The following ADCY4 variants were observed in gnomAD, a reference collection of about 807,000 sequenced individuals.
ADCY4 encodes the protein adenylate cyclase type 4.
ADCY4 carries 111 observed loss-of-function variants against 125.5 expected under a neutral mutation model. That is an observed-to-expected ratio of 0.88 (90% CI 0.76 to 1.04). ADCY4 has a LOEUF of 1.04. ADCY4 is among the 50% of genes least tolerant of loss of function. The pLI is 0.00. For missense variants in ADCY4, 1,256 were observed against 1,382.9 expected (o/e 0.91, Z 1.46); for synonymous variants, 576 against 586.9 (o/e 0.98, Z 0.27).
intron 20 of ADCY4, among the ~76,000 whole-genome samples, chr14:24,321,143 C>T (rs867154852): frequency 4.3e-4 from 62 of 143,712 alleles, no homozygotes; most frequent in African/African-American, 1.1e-3. Flanking sequence ...AGGCCGGGTG[C>T]GGTGCGCCTG....
Position 24,331,074 on chromosome 14 carries a change from T to C in ADCY4, c.874A>G (p.Lys292Glu). 6.2e-7 allele frequency: 1 copy of C among 1,613,546 alleles called. No individual in the cohort carries two copies. The highest frequency in any genetic ancestry group is 8.5e-7 in the Non-Finnish European group (1 of 1,179,556). ...FTRLASECSPKELVLMLNELF... is the reference protein window; with the variant it reads ...FTRLASECSPEELVLMLNELF... The stretch of plus-strand genomic sequence containing the variant: ...TCATTGAGCATGAGCACCAGCTCCT[T>C]AGGGGAACACTCGCTGGCCAGCCGC... The change falls in exon 6 of 25, where the codon AAG (lysine) becomes GAG (glutamate). Residue 292 changes from lysine to glutamate, a missense_variant. Lys to Glu is a moderately conservative substitution (Grantham distance 56). Transcript: ENST00000418030.
At chr14:24,324,019 A>G (rs1451100225) in intron 16 of ADCY4, 43 bp downstream of exon 16, 1 of 1,601,942 alleles carries the variant, frequency 6.2e-7, no homozygotes, top group Non-Finnish European at 8.5e-7. Flanking sequence ...TGGCAGGTCC[A>G]ACATGCCCTC....
At chr14:24,327,716 A>G (rs1048874584) in intron 10 of ADCY4, among the ~76,000 whole-genome samples, 5 of 152,146 alleles carry the variant, frequency 3.3e-5, no homozygotes, top group African/African-American at 1.2e-4. Context: ...CAGAGACAGG[A>G]GGAAGTGGGG....
At position 24,318,785 on chromosome 14, in the gene ADCY4, A is replaced by G. The variant is rs910946971; in HGVS notation, c.2957-7T>C. The G allele has an allele frequency of 3.1e-6, 5 of 1,613,906 alleles. No individual in the cohort carries two copies. The highest frequency in any genetic ancestry group is 4.2e-6 in the Non-Finnish European group (5 of 1,180,004). The stretch of plus-strand genomic sequence containing the variant: ...ACGGGTCCATGGTTCAACCCTAATG[A>G]GGGATGTGGTAATGACAGACTTGGA... On this transcript the variant is annotated splice_region_variant and splice_polypyrimidine_tract_variant and intron_variant, in intron 23 of 24. Transcript: ENST00000418030.
Position 24,319,755 on chromosome 14 carries a change from G to A in ADCY4, c.2720C>T (p.Ala907Val). 1.9e-6 allele frequency: 3 copies of A among 1,614,124 alleles called. No homozygotes were observed. Among genetic ancestry groups the A allele is most frequent in the Non-Finnish European group, 2.5e-6 (3 of 1,180,026 alleles). The change falls in exon 21 of 25, where the codon GCT becomes GTT. Residue 907 changes from alanine to valine, a missense_variant. Physicochemically the swap from Ala to Val is moderately conservative, Grantham distance 64. Transcript: ENST00000418030. The surrounding 1 kb of genome is among the most constrained non-coding windows in gnomAD (Gnocchi z 4.5). ...ECLRLLNEII[A>V]DFDELLSKPK... is the part of the protein sequence containing the mutation. ...TGGAATTTTCACCTCATCAAAATCA[G>A]CAATTATCTCATTGAGCAGCCTCAG...
At position 24,319,180 on chromosome 14, in the gene ADCY4, A is replaced by C. The variant is rs1281101852; in HGVS notation, c.2874T>G (p.Thr958=). Residue 958 remains threonine, a synonymous_variant, in exon 23 of 25, where the codon ACT becomes ACG. Coordinates refer to ENST00000418030, the MANE Select transcript of ADCY4 (RefSeq NM_001198568.2). This position sits in a 1 kb window ranked among gnomAD's most constrained non-coding sequence, Gnocchi z 4.5. ...CCAGGGCCACGGCAAATTCCACCAT[A>C]GTGCCAAGGTGGCTGCAGCTCCGTT... ...DAERSCSHLG[T]MVEFAVALGS... The C allele has an allele frequency of 6.2e-7, 1 of 1,614,100 alleles. No homozygotes were observed. Among genetic ancestry groups the C allele is most frequent in the East Asian group, 2.2e-5 (1 of 44,866 alleles).
rs1394143848 is a variant in ADCY4, at chr14:24,332,357, G to T, written c.519+165C>A. The T allele has an allele frequency of 9.4e-6, 7 of 741,844 alleles. No individual in the cohort carries two copies. In the East Asian group the frequency reaches 2.0e-4, roughly 21 times the overall value. The allele number at this position is 741,844 out of a possible 1,614,324, so 46.0% of individuals were successfully genotyped here. ...TGGATCCCTCTTCTGGTAACAGCAG[G>T]CATTGCATCACACTGTTGTACCAGC... On this transcript the variant is annotated intron_variant, in intron 3 of 24. Transcript: ENST00000418030.
chr14:24,331,631 C>A, intron 4 of ADCY4, 157 bp downstream of exon 4: 1 of 1,198,348 alleles, frequency 8.3e-7, no homozygotes, highest in South Asian at 1.7e-5. Flanking sequence ...TTGAGCCTCA[C>A]AACCTTCTAA....
chr14:24,334,087 C>G (rs1361354857), intron 1 of ADCY4, among the ~76,000 whole-genome samples: 1 of 152,156 alleles, frequency 6.6e-6, no homozygotes, highest in Non-Finnish European at 1.5e-5. Flanking sequence ...AGTGAGAGCC[C>G]GGTGGAGGGT....
In ADCY4 at chr14:24,332,831, G is replaced by C. The variant is rs76762926; in HGVS notation, c.317C>G (p.Ala106Gly). ...VWVALLALGH[A>G]FLFTGGVVSA... ...CACCACGCCCCCGGTGAACAGGAAG[G>C]CGTGGCCTAGCGCTAGCAGCGCGAC... Residue 106 changes from alanine (A) to glycine (G), a missense_variant, in exon 2 of 25, where the codon GCC (alanine) becomes GGC (glycine). Physicochemically the swap from Ala to Gly is moderately conservative, Grantham distance 60. Coordinates refer to ENST00000418030, the MANE Select transcript of ADCY4 (RefSeq NM_001198568.2). 4.6e-5 allele frequency: 73 copies of C among 1,583,406 alleles called. No individual in the cohort carries two copies. The African/African-American group carries it at 5.1e-4, about 11-fold the overall frequency.
chr14:24,331,548 A>G (rs1377513680), intron 4 of ADCY4, 192 bp from the exon 5 acceptor site: 1 of 883,452 alleles, frequency 1.1e-6, no homozygotes, highest in African/African-American at 1.7e-5. Flanking sequence ...CTAAACTCCC[A>G]GTATCAACAC....
At chr14:24,332,707 GA>G in intron 2 of ADCY4, 24 bp from the exon 3 acceptor site, 1 of 1,573,904 alleles carries the variant, frequency 6.4e-7, no homozygotes, top group Non-Finnish European at 8.6e-7. Flanking sequence ...GCGGGAAGCC[GA>G]AGGCCCAAGT....
At chr14:24,323,557 G>A (rs565030957) in intron 16 of ADCY4, 103 bp from the exon 17 acceptor site, 51 of 1,500,412 alleles carry the variant, frequency 3.4e-5, no homozygotes, top group East Asian at 2.7e-4. Flanking sequence ...GGGAAGACTC[G>A]TCCAAAGGGG....
Position 24,329,991 on chromosome 14 carries a change from G to C in ADCY4, c.1086C>G (p.Asp362Glu). ...IRKLRAATGV[D>E]INMRVGVHSG... ...AGTGCACGCCCACACGCATGTTGAT[G>C]TCCACGCCAGTGGCTGCCCGCAGTT... The change falls in exon 8 of 25, where the codon GAC becomes GAG. Residue 362 changes from aspartate to glutamate, a missense_variant. Transcript: ENST00000418030. The C allele has an allele frequency of 6.2e-7, 1 of 1,614,010 alleles. No individual in the cohort carries two copies. The highest frequency in any genetic ancestry group is 8.5e-7 in the Non-Finnish European group (1 of 1,179,912).
Position 24,334,710 on chromosome 14 carries a change from T to G in ADCY4, c.-58A>C. On this transcript the variant is annotated 5_prime_UTR_variant, in exon 1 of 25. Coordinates refer to ENST00000418030, the MANE Select transcript of ADCY4 (RefSeq NM_001198568.2). ...AGGGCCGGGCGCCGGGTTACCTCCTTCGGCCCGGCGGGCCCCACCTGAGCT... is the reference window on the plus strand; with the variant it reads ...AGGGCCGGGCGCCGGGTTACCTCCTGCGGCCCGGCGGGCCCCACCTGAGCT... The G allele has an allele frequency of 7.3e-7, 1 of 1,376,910 alleles. No homozygotes were observed. Among genetic ancestry groups the G allele is most frequent in the Non-Finnish European group, 9.6e-7 (1 of 1,041,828 alleles). The allele number at this position is 1,376,910 out of a possible 1,614,324, so 85.3% of individuals were successfully genotyped here. A position where few individuals can be genotyped will look rare whatever the true frequency, so the allele number is the denominator to read the frequency against.
chr14:24,329,529 C>T lies in ADCY4; in HGVS notation c.1222G>A (p.Val408Met), dbSNP rs769608783. The T allele has an allele frequency of 6.6e-7, 1 of 1,526,050 alleles. No homozygotes were observed. Among genetic ancestry groups the T allele is most frequent in the Non-Finnish European group, 8.8e-7 (1 of 1,139,452 alleles). The allele number at this position is 1,526,050 out of a possible 1,614,324, so 94.5% of individuals were successfully genotyped here. A position where few individuals can be genotyped will look rare whatever the true frequency, so the allele number is the denominator to read the frequency against. Reference protein sequence around the residue: ...HMEAGGVPGRVHITGATLALL... With the variant: ...HMEAGGVPGRMHITGATLALL... ...GCCAGGGTAGCCCCTGTGATGTGCA[C>T]TCGCCTGGAAGGAGGGAGGCAGTAG... is the stretch of plus-strand genomic sequence containing the variant. Residue 408 changes from valine (V) to methionine (M), a missense_variant, in exon 9 of 25, where the codon GTG (valine) becomes ATG (methionine). Val to Met is a conservative substitution (Grantham distance 21). Transcript: ENST00000418030.
At chr14:24,334,354 T>C (rs2042098825) in intron 1 of ADCY4, 140 bp downstream of exon 1, 1 of 1,393,450 alleles carries the variant, frequency 7.2e-7, no homozygotes, top group South Asian at 1.5e-5. Flanking sequence ...CCAGGGTCAC[T>C]GCAGTTCCTA....
intron 10 of ADCY4, among the ~76,000 whole-genome samples, chr14:24,327,601 T>TC (rs1370205917): frequency 2.6e-5 from 4 of 152,064 alleles, no homozygotes; most frequent in African/African-American, 9.7e-5. Flanking sequence ...CCAGTGTCCT[T>TC]CCCCCACTCC....
At chr14:24,329,262 G>A in intron 9 of ADCY4, 28 bp from the exon 10 acceptor site, 1 of 1,609,748 alleles carries the variant, frequency 6.2e-7, no homozygotes, top group South Asian at 1.1e-5. Flanking sequence ...TGACAGTAAA[G>A]ACCACAGACA....
Sources: gnomAD v4.1 joint callset for allele counts (sites outside exome capture counted in the v4.1 genomes callset) on GRCh38, gnomAD v4.1.1 for gene constraint, Gnocchi (gnomAD v3.1) non-coding constraint, MANE v1.5 for transcripts, NCBI Gene and HGNC (gene_info 2026-07-23, HGNC 2026-07-21) for gene names.